Variants in LRIF1 observed in about 807,000 individuals in gnomAD.
The protein encoded by LRIF1 is ligand-dependent nuclear receptor-interacting factor 1.
Under a neutral mutation model 52.7 loss-of-function variants are expected in LRIF1, and 32 were observed. The observed-to-expected ratio is 0.61, with a 90% CI of 0.46 to 0.82. The LOEUF is 0.82. Ranked by LOEUF, LRIF1 falls within the 40% of genes least tolerant of loss-of-function variation. The pLI is 0.00. For missense variants in LRIF1, 887 were observed against 892.0 expected, an observed-to-expected ratio of 0.99 and a Z score of 0.07; for synonymous variants, 323 against 317.4, an observed-to-expected ratio of 1.02 and a Z score of -0.19.
At chr1:110,962,945 G>C (rs933444006) in intron 1 of LRIF1, among the ~76,000 whole-genome samples, 4 of 151,284 alleles carry the variant, frequency 2.6e-5, no homozygotes, top group African/African-American at 9.7e-5. Flanking sequence ...CTAAGTTACT[G>C]ATCATCTATT....
At chr1:110,892,140 A>G in the LRIF1 span, among the ~76,000 whole-genome samples, 1 of 152,196 alleles carries the variant, frequency 6.6e-6, no homozygotes, top group Non-Finnish European at 1.5e-5. Context: ...ATGGGTAGGA[A>G]GAGTTGTGAG....
At chr1:110,890,732 A>C in the LRIF1 span, among the ~76,000 whole-genome samples, 1 of 152,254 alleles carries the variant, frequency 6.6e-6, no homozygotes. Context: ...TTACATTGCT[A>C]TCTCTTTTTA....
chr1:110,950,178 TTA>T (rs1438890554), intron 2 of LRIF1, 55 bp from the exon 3 acceptor site: 1 of 1,523,958 alleles, frequency 6.6e-7, no homozygotes, highest in Non-Finnish European at 8.8e-7. Flanking sequence ...TCAAGTTACT[TTA>T]TTAAGCAACT....
rs758946271 is a variant in LRIF1, at chr1:110,949,843, TTACC to T, written c.1869+4_1869+7del. 28 of 1,611,564 alleles carry T rather than the reference TTACC, an allele frequency of 1.7e-5. No homozygotes were observed. Among genetic ancestry groups the T allele is most frequent in the East Asian group, 8.9e-5 (4 of 44,838 alleles). ...CCTATGAAGAGCACATTAAAATGTATTACCTACCTGTTTTCTCTCTCCTTCCTTC... is the reference window on the plus strand; with the variant it reads ...CCTATGAAGAGCACATTAAAATGTATTACCTGTTTTCTCTCTCCTTCCTTC... On this transcript the variant is annotated splice_donor_5th_base_variant and intron_variant, in intron 3 of 3. Coordinates refer to ENST00000369763, the MANE Select transcript of LRIF1 (RefSeq NM_018372.4).
the LRIF1 span, among the ~76,000 whole-genome samples, chr1:110,895,848 G>A: frequency 3.3e-5 from 5 of 151,810 alleles, no homozygotes; most frequent in South Asian, 2.1e-4. Flanking sequence ...CACTTTTTTC[G>A]TTAGAATATG....
At chr1:110,961,806 T>A (rs1658961706) in intron 1 of LRIF1, among the ~76,000 whole-genome samples, 1 of 152,140 alleles carries the variant, frequency 6.6e-6, no homozygotes, top group South Asian at 2.1e-4. Flanking sequence ...GATGTTTTAT[T>A]ACTTACAGAA....
At chr1:110,916,637 G>A in the LRIF1 span, among the ~76,000 whole-genome samples, 5 of 152,000 alleles carry the variant, frequency 3.3e-5, no homozygotes, top group African/African-American at 1.2e-4. Flanking sequence ...GACAAAACTT[G>A]CCCCAAACTG....
the LRIF1 span, among the ~76,000 whole-genome samples, chr1:110,898,099 C>T: frequency 2.0e-5 from 3 of 152,066 alleles, no homozygotes; most frequent in South Asian, 2.1e-4. Flanking sequence ...ATCTCTTGGC[C>T]GGGCGTGGTG....
chr1:110,957,497 G>A (rs1001374602), intron 1 of LRIF1, among the ~76,000 whole-genome samples: 1 of 83,966 alleles, frequency 1.2e-5, no homozygotes, highest in African/African-American at 4.1e-5. Flanking sequence ...AAAAAAGACT[G>A]CAACAATTCT....
the LRIF1 span, chr1:110,891,445 C>T: frequency 4.5e-5 from 72 of 1,613,870 alleles, 1 homozygote; most frequent in African/African-American, 7.5e-4. Flanking sequence ...GAAGTATGTC[C>T]TGTTTTTCTT....
chr1:110,881,490 T>C, the LRIF1 span, among the ~76,000 whole-genome samples: 1 of 152,236 alleles, frequency 6.6e-6, no homozygotes, highest in Non-Finnish European at 1.5e-5. Flanking sequence ...ACTATTTATT[T>C]ATACATTCAC....
chr1:110,962,407 A>G (rs1349993151), intron 1 of LRIF1, among the ~76,000 whole-genome samples: 1 of 152,174 alleles, frequency 6.6e-6, no homozygotes, highest in Non-Finnish European at 1.5e-5. Flanking sequence ...ATTTTGGCTC[A>G]TTACTATTAG....
chr1:110,939,666 C>G, the LRIF1 span: 1 of 152,090 alleles, frequency 6.6e-6, no homozygotes, highest in African/African-American at 2.4e-5. Flanking sequence ...AACAGAGAAC[C>G]TGGAAACGAA....
intron 1 of LRIF1, among the ~76,000 whole-genome samples, chr1:110,961,571 C>T (rs1424083880): frequency 6.6e-6 from 1 of 152,094 alleles, no homozygotes; most frequent in Non-Finnish European, 1.5e-5. Flanking sequence ...TTAAGAGATA[C>T]TTCAAACAAT....
At chr1:110,930,048 G>C in the LRIF1 span, among the ~76,000 whole-genome samples, 1 of 152,116 alleles carries the variant, frequency 6.6e-6, no homozygotes, top group Non-Finnish European at 1.5e-5. Context: ...CGTTTGGTGC[G>C]ATATTATTAA....
chr1:110,951,641 C>G lies in LRIF1; in HGVS notation c.1243G>C (p.Val415Leu). The change falls in exon 2 of 4, where the codon GTT becomes CTT. Residue 415 changes from valine to leucine, a missense_variant. By Grantham distance (32) the Val-to-Leu change is conservative. Coordinates refer to ENST00000369763, the MANE Select transcript of LRIF1 (RefSeq NM_018372.4). ...TGGGAAGATTTACTTTTAGCCAAAA[C>G]AATATTTACAACCTCTCTGGATATT... is the stretch of plus-strand genomic sequence containing the variant. ...TEISREVVNI[V>L]LAKSKSSQME... The G allele has an allele frequency of 6.2e-7, 1 of 1,614,028 alleles. No individual in the cohort carries two copies. Among genetic ancestry groups the G allele is most frequent in the African/African-American group, 1.3e-5 (1 of 75,018 alleles).
the LRIF1 span, among the ~76,000 whole-genome samples, chr1:110,915,256 C>T: frequency 2.0e-5 from 3 of 151,958 alleles, no homozygotes; most frequent in Non-Finnish European, 2.9e-5. Flanking sequence ...GAGGCCGAGG[C>T]GGGCGGATCA....
At chr1:110,931,380 A>G in the LRIF1 span, among the ~76,000 whole-genome samples, 2 of 152,248 alleles carry the variant, frequency 1.3e-5, no homozygotes, top group South Asian at 4.2e-4. Flanking sequence ...AATCCAGTCT[A>G]TCATTGATGG....
the LRIF1 span, chr1:110,894,553 G>C: frequency 1.7e-6 from 1 of 601,374 alleles, no homozygotes; most frequent in South Asian, 1.8e-5. Flanking sequence ...GTAATTGGGG[G>C]GAAAATTTGT....
Sources: gnomAD v4.1 joint callset for allele counts (sites outside exome capture counted in the v4.1 genomes callset) on GRCh38, gnomAD v4.1.1 for gene constraint, MANE v1.5 for transcripts, NCBI Gene and HGNC (gene_info 2026-07-23, HGNC 2026-07-21) for gene names.